The following GALNT2 variants were observed in gnomAD, a reference collection of about 807,000 sequenced individuals.
The protein encoded by GALNT2 is polypeptide N-acetylgalactosaminyltransferase 2.
In GALNT2, 31 loss-of-function variants were observed where a neutral mutation model predicts 81.4. The ratio of observed to expected loss-of-function variants is 0.38; its 90% CI spans 0.29 to 0.51. The LOEUF (loss-of-function observed/expected upper bound fraction) is 0.51, where lower values mean the gene tolerates loss of function less well. GALNT2 is among the 20% of genes least tolerant of loss of function. The pLI is 0.87. For synonymous variants in GALNT2, 303 were observed against 287.4 expected (o/e 1.05, Z -0.55); for missense variants, 629 against 765.7 (o/e 0.82, Z 2.11).
intron 6 of GALNT2, among the ~76,000 whole-genome samples, chr1:230,240,582 ACT>A (rs974724263): frequency 1.3e-5 from 2 of 151,054 alleles, no homozygotes; most frequent in African/African-American, 4.9e-5. Flanking sequence ...ACAGGGTGAG[ACT>A]CTGTCTCAGA....
chr1:230,129,116 TG>T (rs1488085453), intron 1 of GALNT2, among the ~76,000 whole-genome samples: 1 of 152,270 alleles, frequency 6.6e-6, no homozygotes. Flanking sequence ...ATGAGTTTGC[TG>T]TTCGTTTGTA....
intron 1 of GALNT2, among the ~76,000 whole-genome samples, chr1:230,060,128 CTCTT>C (rs1488763765): frequency 6.6e-6 from 1 of 152,182 alleles, no homozygotes; most frequent in Non-Finnish European, 1.5e-5. Context: ...CATTTCCTTA[CTCTT>C]TCTTTGTCTT....
chr1:230,265,203 T>C (rs1420104163), intron 13 of GALNT2, 38 bp from the exon 14 acceptor site: 1 of 1,613,624 alleles, frequency 6.2e-7, no homozygotes, highest in East Asian at 2.2e-5. Flanking sequence ...CTGGTGGTCA[T>C]GTGCAGTGAA....
intron 1 of GALNT2, among the ~76,000 whole-genome samples, chr1:230,117,297 G>C (rs1308391675): frequency 6.6e-6 from 1 of 152,246 alleles, no homozygotes; most frequent in East Asian, 1.9e-4. Context: ...CTTCTATCCA[G>C]ACTGCTCACA....
At chr1:230,259,099 A>G (rs1178661077) in intron 11 of GALNT2, 1 of 152,224 alleles carries the variant, frequency 6.6e-6, no homozygotes, top group East Asian at 1.9e-4. Context: ...TGAAAGATAA[A>G]GAAGTGGAAT....
At chr1:230,130,469 G>C (rs1661332731) in intron 1 of GALNT2, among the ~76,000 whole-genome samples, 1 of 152,196 alleles carries the variant, frequency 6.6e-6, no homozygotes, top group African/African-American at 2.4e-5. Flanking sequence ...TTGGGAGCCT[G>C]GTGTTTACCC....
At chr1:230,185,269 CGTGCGT>C (rs769162419) in intron 2 of GALNT2, among the ~76,000 whole-genome samples, 318 of 125,140 alleles carry the variant, frequency 2.5e-3, no homozygotes, top group Non-Finnish European at 3.4e-3. Context: ...ACTGTGCGTG[CGTGCGT>C]GTGTGTGTGT....
chr1:230,091,036 G>A (rs1660057017), intron 1 of GALNT2, among the ~76,000 whole-genome samples: 1 of 152,014 alleles, frequency 6.6e-6, no homozygotes, highest in South Asian at 2.1e-4. Context: ...CTCCTGGGGT[G>A]TGTGTACTCC....
At chr1:230,103,378 T>A (rs543950024) in intron 1 of GALNT2, among the ~76,000 whole-genome samples, 8 of 152,350 alleles carry the variant, frequency 5.3e-5, no homozygotes, top group African/African-American at 1.4e-4. Context: ...AAGATGATTA[T>A]TTTTTATTCA....
chr1:230,101,996 T>G (rs982465716), intron 1 of GALNT2, among the ~76,000 whole-genome samples: 1 of 152,238 alleles, frequency 6.6e-6, no homozygotes, highest in Non-Finnish European at 1.5e-5. Flanking sequence ...CTCTTTGTTT[T>G]CCGAATGGTT....
chr1:230,233,312 G>A (rs1572115434), intron 3 of GALNT2, among the ~76,000 whole-genome samples: 1 of 152,172 alleles, frequency 6.6e-6, no homozygotes, highest in Non-Finnish European at 1.5e-5. Flanking sequence ...AATATTAAGA[G>A]CTACAGTGGG....
chr1:230,105,476 A>G (rs1055775230), intron 1 of GALNT2, among the ~76,000 whole-genome samples: 2 of 152,036 alleles, frequency 1.3e-5, no homozygotes, highest in Non-Finnish European at 2.9e-5. Flanking sequence ...GGTTTCATTG[A>G]TCGTGTTTTT....
At chr1:230,265,091 C>A in intron 13 of GALNT2, 150 bp from the exon 14 acceptor site, 1 of 907,966 alleles carries the variant, frequency 1.1e-6, no homozygotes, top group Non-Finnish European at 1.7e-6. Context: ...CTGACACACA[C>A]TACCTGTGGT....
chr1:230,225,371 G>A (rs1401893072), intron 3 of GALNT2, among the ~76,000 whole-genome samples: 1 of 152,192 alleles, frequency 6.6e-6, no homozygotes, highest in Non-Finnish European at 1.5e-5. Context: ...TAGTGGAAGT[G>A]CCCTGAGGTT....
At chr1:230,218,532 G>C (rs949289071) in intron 3 of GALNT2, among the ~76,000 whole-genome samples, 18 of 152,314 alleles carry the variant, frequency 1.2e-4, no homozygotes, top group African/African-American at 4.3e-4. Context: ...CTGGCACATA[G>C]TCAGTACTAA....
chr1:230,174,025 T>C (rs618520), intron 1 of GALNT2, among the ~76,000 whole-genome samples: 34,724 of 152,060 alleles, frequency 0.23, 4,772 homozygotes, highest in East Asian at 0.39. Flanking sequence ...ACCTGAAATC[T>C]TTTTGGATAT....
chr1:230,079,313 C>G (rs535220760), intron 1 of GALNT2, among the ~76,000 whole-genome samples: 2 of 152,372 alleles, frequency 1.3e-5, no homozygotes, highest in South Asian at 4.1e-4. Context: ...GTCTGAAATG[C>G]TTTAGAGCCA....
chr1:230,162,329 C>T (rs187784358), intron 1 of GALNT2, among the ~76,000 whole-genome samples: 98 of 152,312 alleles, frequency 6.4e-4, no homozygotes, highest in Middle Eastern at 6.8e-3. Flanking sequence ...TCTTTCTCAT[C>T]CTCTGAGAAT....
At chr1:230,214,403 C>T (rs1238709772) in intron 3 of GALNT2, among the ~76,000 whole-genome samples, 4 of 152,176 alleles carry the variant, frequency 2.6e-5, no homozygotes, top group South Asian at 2.1e-4. Context: ...TGAGCCACCA[C>T]GCCCGGCTTA....
Sources: allele counts gnomAD v4.1 joint callset (sites outside exome capture counted in the v4.1 genomes callset), GRCh38; gene constraint gnomAD v4.1.1; transcripts MANE v1.5; gene names NCBI Gene and HGNC (gene_info 2026-07-23, HGNC 2026-07-21).